The following FGF13 variants were observed in gnomAD, a reference collection of about 807,000 sequenced individuals.
The protein encoded by FGF13 is fibroblast growth factor 13.
Under a neutral mutation model 19.5 loss-of-function variants are expected in FGF13, and 2 were observed. The ratio of observed to expected loss-of-function variants is 0.10; its 90% confidence interval spans 0.04 to 0.32. The LOEUF (loss-of-function observed/expected upper bound fraction) is 0.32, where lower values mean the gene tolerates loss of function less well. Among genes scored for constraint, FGF13 ranks in the 10% least tolerant of loss-of-function variants. The pLI is 1.00. For missense variants in FGF13, 113 were observed against 192.7 expected (o/e 0.59, Z 2.45); for synonymous variants, 72 against 76.9 (o/e 0.94, Z 0.33).
intron 2 of FGF13, among the ~76,000 whole-genome samples, chrX:138,858,975 T>C (rs2091273986): frequency 8.9e-6 from 1 of 111,972 alleles, no homozygotes; most frequent in African/African-American, 3.2e-5. Flanking sequence ...CTATGAGGGA[T>C]TGTTGTCTTC....
rs767030117 is a variant in FGF13, at chrX:138,868,229, G to A, written c.-112-3579C>T. On this transcript the variant is annotated intron_variant, in intron 1 of 2. Transcript: ENST00000421460. ...AGCCTTTAAAGATTATTTACATATC[G>A]ATTCCAGGCATTGTTTTTGCACTAA... Among the ~76,000 whole-genome samples the A allele has an allele frequency of 6.3e-5, 7 of 111,255 alleles. No individual in the cohort carries two copies. The South Asian group carries it at 2.7e-3, about 43-fold the overall frequency.
chrX:139,133,183 A>C (rs1420648749), intron 1 of FGF13, among the ~76,000 whole-genome samples: 1 of 109,846 alleles, frequency 9.1e-6, no homozygotes, highest in Non-Finnish European at 1.9e-5. Flanking sequence ...CAGCATGTTG[A>C]AAGACTAATA....
In FGF13 at chrX:139,072,450, T is replaced by C. The variant is rs2070767567; in HGVS notation, c.-113+130966A>G. 1.8e-5 allele frequency among the ~76,000 whole-genome samples: 2 copies of C among 111,632 alleles called. 1 individual carries two copies. Among genetic ancestry groups the C allele is most frequent in the South Asian group, 7.6e-4 (2 of 2,631 alleles). ...CTATGAGAAAATAAATTTCTGTTGTTTAAGCCACCCAAGATGTGGTATTTT... is the reference window on the plus strand; with the variant it reads ...CTATGAGAAAATAAATTTCTGTTGTCTAAGCCACCCAAGATGTGGTATTTT... On this transcript the variant is annotated intron_variant, in intron 1 of 2. Coordinates refer to the FGF13 transcript ENST00000421460.
rs756624219 is a variant in FGF13 at position 138,892,809 on chromosome X, G to A, written c.-112-28159C>T. On this transcript the variant is annotated intron_variant, in intron 1 of 2. Coordinates refer to the FGF13 transcript ENST00000421460. ...CTAGAGAACCTAGTTGAGAATTCAA[G>A]GGGAGCATATATGGGTGGTAGACAT... 1.7e-3 allele frequency among the ~76,000 whole-genome samples: 191 copies of A among 110,072 alleles called. 2 individuals carry two copies. Among genetic ancestry groups the A allele is most frequent in the African/African-American group, 6.1e-3 (184 of 30,233 alleles).
At chrX:138,871,978 C>T (rs1475637236) in intron 1 of FGF13, among the ~76,000 whole-genome samples, 1 of 111,881 alleles carries the variant, frequency 8.9e-6, no homozygotes, top group Non-Finnish European at 1.9e-5. Flanking sequence ...CTCACTCTTG[C>T]TGCTATGTAG....
chrX:139,041,860 C>T (rs2092271003), intron 1 of FGF13, among the ~76,000 whole-genome samples: 1 of 111,985 alleles, frequency 8.9e-6, no homozygotes, highest in Admixed American at 9.4e-5. Context: ...ATGGAAAATC[C>T]ACTATAAGAA....
intron 3 of FGF13, among the ~76,000 whole-genome samples, chrX:138,797,273 C>T (rs185081381): frequency 2.7e-5 from 3 of 111,209 alleles, no homozygotes; most frequent in African/African-American, 6.5e-5. Context: ...TTTCTGGATA[C>T]GGCTAGCCAG....
intron 1 of FGF13, among the ~76,000 whole-genome samples, chrX:139,202,349 C>T (rs2084421514): frequency 9.0e-6 from 1 of 111,725 alleles, no homozygotes; most frequent in African/African-American, 3.3e-5. Flanking sequence ...TTCTCTGGGC[C>T]CTCAGTGGAA....
intron 3 of FGF13, among the ~76,000 whole-genome samples, chrX:138,755,713 C>A (rs1052844159): frequency 1.8e-5 from 2 of 112,231 alleles, no homozygotes. Flanking sequence ...TGTTGTTTGA[C>A]AAGAACTCCA....
intron 1 of FGF13, among the ~76,000 whole-genome samples, chrX:138,903,035 G>T (rs2091540103): frequency 9.0e-6 from 1 of 111,514 alleles, no homozygotes; most frequent in African/African-American, 3.3e-5. Flanking sequence ...ACTAGATTTT[G>T]TCCATCATCA....
At chrX:138,838,035 A>G (rs1292402900) in intron 3 of FGF13, among the ~76,000 whole-genome samples, 1 of 112,209 alleles carries the variant, frequency 8.9e-6, no homozygotes, top group East Asian at 2.8e-4. Context: ...AAACCTTGGT[A>G]GGTTTAGACT....
chrX:138,953,416 C>T (rs757972576), intron 1 of FGF13, among the ~76,000 whole-genome samples: 66 of 108,777 alleles, frequency 6.1e-4, no homozygotes, highest in African/African-American at 2.0e-3. Flanking sequence ...CATCACACCC[C>T]GGGGCCTGTG....
chrX:138,979,797 G>A (rs1391479288), intron 1 of FGF13, among the ~76,000 whole-genome samples: 1 of 111,498 alleles, frequency 9.0e-6, no homozygotes, highest in Non-Finnish European at 1.9e-5. Context: ...GCAAGGCTCT[G>A]TACCTTAGCT....
intron 3 of FGF13, among the ~76,000 whole-genome samples, chrX:138,679,492 A>G (rs2124187596): frequency 8.9e-6 from 1 of 111,851 alleles, no homozygotes; most frequent in Admixed American, 9.5e-5. Flanking sequence ...TCAGTTCCAG[A>G]CTACTGCAAT....
At chrX:138,863,230 A>G in intron 2 of FGF13, among the ~76,000 whole-genome samples, 1 of 111,639 alleles carries the variant, frequency 9.0e-6, no homozygotes, top group East Asian at 2.8e-4. Flanking sequence ...CTACAAGAAT[A>G]TAAGCCCCCT....
chrX:139,173,648 C>G (rs1477367902), intron 1 of FGF13, among the ~76,000 whole-genome samples: 2 of 110,841 alleles, frequency 1.8e-5, no homozygotes, highest in Non-Finnish European at 3.8e-5. Context: ...TGAGAACATG[C>G]AGTGTCTGGT....
chrX:139,106,735 G>A (rs1450304648), intron 1 of FGF13, among the ~76,000 whole-genome samples: 2 of 112,550 alleles, frequency 1.8e-5, no homozygotes, highest in Non-Finnish European at 3.8e-5. Context: ...ACTACATAAA[G>A]TTCAAATGTA....
intron 1 of FGF13, among the ~76,000 whole-genome samples, chrX:138,885,541 ATT>A (rs1021158478): frequency 9.1e-6 from 1 of 109,960 alleles, no homozygotes; most frequent in African/African-American, 3.3e-5. Flanking sequence ...ATCTCCCATT[ATT>A]CTCTGTCTTG....
chrX:139,176,132 A>C (rs2084181032), intron 1 of FGF13, among the ~76,000 whole-genome samples: 1 of 111,223 alleles, frequency 9.0e-6, no homozygotes, highest in African/African-American at 3.3e-5. Flanking sequence ...AGTCTTGGGA[A>C]TGTTTATGTG....
Sources: gnomAD v4.1 joint callset for allele counts (sites outside exome capture counted in the v4.1 genomes callset) on GRCh38, gnomAD v4.1.1 for gene constraint, MANE v1.5 for transcripts, NCBI Gene and HGNC (gene_info 2026-07-23, HGNC 2026-07-21) for gene names.